The following PRELID2 variants were observed in gnomAD, a reference collection of about 807,000 sequenced individuals.
PRELID2 encodes the protein PRELI domain containing 2.
Under a neutral mutation model 28.4 loss-of-function variants are expected in PRELID2, and 25 were observed. That is an observed-to-expected ratio of 0.88 (90% confidence interval 0.64 to 1.23). PRELID2 has a LOEUF of 1.23. PRELID2 is among the 50% of genes most tolerant of loss of function. The probability of loss-of-function intolerance (pLI) is 0.00; values close to 1 mark genes in which losing one functional copy is unlikely to be tolerated. For missense variants in PRELID2, 201 were observed against 214.4 expected, an observed-to-expected ratio of 0.94 and a Z score of 0.39; for synonymous variants, 76 against 71.6, an observed-to-expected ratio of 1.06 and a Z score of -0.31.
At chr5:145,753,702 C>A (rs1757184432), downstream of PRELID2, among the ~76,000 whole-genome samples, 2 of 152,160 alleles carry the variant, frequency 1.3e-5, no homozygotes, top group South Asian at 4.1e-4. Flanking sequence ...ATCAGGCCAG[C>A]AACACTGACC....
chr5:145,396,092 C>T, the PRELID2 span, among the ~76,000 whole-genome samples: 1 of 152,104 alleles, frequency 6.6e-6, no homozygotes, highest in African/African-American at 2.4e-5. Context: ...ACGTGATGTC[C>T]ACCAACATTA....
intron 5 of PRELID2, among the ~76,000 whole-genome samples, chr5:145,783,299 C>T (rs1416362061): frequency 2.0e-5 from 3 of 152,210 alleles, no homozygotes; most frequent in Admixed American, 6.5e-5. Context: ...CCAGGTTTCA[C>T]AGTCAAGGTA....
At chr5:145,698,808 C>T (rs780259176) in intron 1 of PRELID2, among the ~76,000 whole-genome samples, 1 of 152,200 alleles carries the variant, frequency 6.6e-6, no homozygotes, top group Non-Finnish European at 1.5e-5. Flanking sequence ...CTCACTGTAA[C>T]CTCTGCCTCC....
the PRELID2 span, among the ~76,000 whole-genome samples, chr5:145,410,392 A>G: frequency 1.3e-5 from 2 of 152,210 alleles, no homozygotes; most frequent in Non-Finnish European, 2.9e-5. Flanking sequence ...AGTGGGAGAA[A>G]GAAAATCTTT....
Position 145,549,598 on chromosome 5 carries a change from T to A in PRELID2, n.71-76283A>T, listed in dbSNP as rs567371905. Among the ~76,000 whole-genome samples the A allele has an allele frequency of 5.3e-5, 8 of 151,786 alleles. No homozygotes were observed. The South Asian group carries it at 1.5e-3, about 28-fold the overall frequency. ...GCACGAGGTCAGGAGATTGAGATCA[T>A]CCTGGCTAACAAAGTGAAACCCCAT... On this transcript the variant is annotated intron_variant and non_coding_transcript_variant, in intron 1 of 2. Coordinates refer to the PRELID2 transcript ENST00000510259.
chr5:145,834,842 T>G, intron 1 of PRELID2: 3 of 236,892 alleles, frequency 1.3e-5, no homozygotes, highest in Non-Finnish European at 8.1e-6. Flanking sequence ...TCCCCTCGCT[T>G]TTAAGGGGTC....
chr5:145,739,339 A>T (rs377566804), intron 1 of PRELID2, among the ~76,000 whole-genome samples: 31 of 152,256 alleles, frequency 2.0e-4, no homozygotes, highest in East Asian at 1.4e-3. Flanking sequence ...CCTCATCTCT[A>T]CTAAAAATAC....
chr5:145,564,349 C>A (rs1479803262), intron 1 of PRELID2, among the ~76,000 whole-genome samples: 1 of 152,206 alleles, frequency 6.6e-6, no homozygotes, highest in Non-Finnish European at 1.5e-5. Flanking sequence ...TCATGCAGTG[C>A]TTTCCTTCTG....
At chr5:145,811,601 C>T (rs1035108511) in intron 4 of PRELID2, among the ~76,000 whole-genome samples, 3 of 152,156 alleles carry the variant, frequency 2.0e-5, no homozygotes, top group African/African-American at 7.2e-5. Context: ...GGATTCTAAA[C>T]GCAGATGCCT....
chr5:145,611,587 G>C (rs1753617278), intron 1 of PRELID2, among the ~76,000 whole-genome samples: 2 of 152,088 alleles, frequency 1.3e-5, no homozygotes, highest in Non-Finnish European at 2.9e-5. Flanking sequence ...AGCAAAATGG[G>C]TATAACTCTA....
At chr5:145,601,358 T>A (rs1026584205) in intron 1 of PRELID2, among the ~76,000 whole-genome samples, 6 of 151,948 alleles carry the variant, frequency 3.9e-5, no homozygotes, top group African/African-American at 1.2e-4. Flanking sequence ...AAAGGAAGAA[T>A]AATAAGGTCT....
At position 145,814,939 on chromosome 5, in the gene PRELID2, T is replaced by A. The variant is rs150719648; in HGVS notation, c.368+2955A>T. Among the ~76,000 whole-genome samples the A allele has an allele frequency of 6.0e-4, 92 of 152,348 alleles. 1 individual carries two copies. The East Asian group carries it at 0.016, about 27-fold the overall frequency. On this transcript the variant is annotated intron_variant, in intron 4 of 6. Coordinates refer to ENST00000683046, the MANE Select transcript of PRELID2 (RefSeq NM_205846.3). ...TGTTGATCAGTGTAAAATGTGCATA[T>A]TAACACATTGGAAGGCAAAGTGACA...
intron 1 of PRELID2, among the ~76,000 whole-genome samples, chr5:145,738,228 C>T (rs1176445750): frequency 6.6e-6 from 1 of 152,054 alleles, no homozygotes; most frequent in Non-Finnish European, 1.5e-5. Context: ...AATAACCGAG[C>T]TAAAACAGAT....
intron 1 of PRELID2, among the ~76,000 whole-genome samples, chr5:145,494,367 T>G (rs972906471): frequency 1.3e-5 from 2 of 152,196 alleles, no homozygotes; most frequent in Admixed American, 1.3e-4. Flanking sequence ...AAAAAATACT[T>G]CTTTGAAATA....
chr5:145,327,821 A>G, the PRELID2 span, among the ~76,000 whole-genome samples: 41,474 of 151,982 alleles, frequency 0.27, 5,784 homozygotes, highest in South Asian at 0.35. Flanking sequence ...TCTGGGATAC[A>G]TGTGCAGAAT....
At chr5:145,558,589 G>C (rs1752900398) in intron 1 of PRELID2, among the ~76,000 whole-genome samples, 1 of 152,190 alleles carries the variant, frequency 6.6e-6, no homozygotes, top group African/African-American at 2.4e-5. Flanking sequence ...CTATGTCTGA[G>C]AGTCAAAAGC....
intron 1 of PRELID2, among the ~76,000 whole-genome samples, chr5:145,585,234 A>AT (rs1753142743): frequency 6.6e-6 from 1 of 152,134 alleles, no homozygotes; most frequent in Non-Finnish European, 1.5e-5. Context: ...GAGCTGAACA[A>AT]TGAGAACACA....
At chr5:145,475,493 A>G (rs1374591445) in intron 1 of PRELID2, among the ~76,000 whole-genome samples, 2 of 152,184 alleles carry the variant, frequency 1.3e-5, no homozygotes, top group Admixed American at 6.5e-5. Flanking sequence ...CTATTTTGCA[A>G]GATCTCATTC....
At chr5:145,702,736 C>G (rs61548197) in intron 1 of PRELID2, among the ~76,000 whole-genome samples, 1,765 of 152,178 alleles carry the variant, frequency 0.012, 19 homozygotes, top group Middle Eastern at 0.051. Flanking sequence ...GCTTCTAAAC[C>G]AAGAAGCACA....
Sources: allele counts gnomAD v4.1 joint callset (sites outside exome capture counted in the v4.1 genomes callset), GRCh38; gene constraint gnomAD v4.1.1; transcripts MANE v1.5; gene names NCBI Gene and HGNC (gene_info 2026-07-23, HGNC 2026-07-21).